The following RIMS2 variants were observed in gnomAD, a reference collection of about 807,000 sequenced individuals.
The protein encoded by RIMS2 is regulating synaptic membrane exocytosis protein 2.
Under a neutral mutation model 174.4 loss-of-function variants are expected in RIMS2, and 59 were observed. The ratio of observed to expected loss-of-function variants is 0.34; its 90% CI spans 0.27 to 0.42. RIMS2 has a LOEUF of 0.42. Ranked by LOEUF, RIMS2 falls within the 10% of genes least tolerant of loss-of-function variation. The pLI, the probability that RIMS2 is intolerant of heterozygous loss-of-function variation, is 1.00. For synonymous variants in RIMS2, 606 were observed against 572.5 expected (o/e 1.06, Z -0.84); for missense variants, 1,620 against 1,666.3 (o/e 0.97, Z 0.48).
At chr8:103,876,606 C>T (rs2099138437) in intron 3 of RIMS2, among the ~76,000 whole-genome samples, 1 of 151,040 alleles carries the variant, frequency 6.6e-6, no homozygotes, top group Admixed American at 6.6e-5. Flanking sequence ...CCTTCCCACC[C>T]TTTCCCCCTG....
intron 3 of RIMS2, among the ~76,000 whole-genome samples, chr8:103,776,251 G>C (rs1016604366): frequency 6.6e-6 from 1 of 152,052 alleles, no homozygotes; most frequent in Non-Finnish European, 1.5e-5. Flanking sequence ...AACATTTCTT[G>C]TTTAAGGACA....
chr8:103,508,119 A>G (rs1250331299), intron 1 of RIMS2, among the ~76,000 whole-genome samples: 2 of 152,118 alleles, frequency 1.3e-5, no homozygotes, highest in Non-Finnish European at 2.9e-5. Flanking sequence ...TTTCACTGCT[A>G]GATATTAAAA....
chr8:103,759,440 C>T (rs1291917852), intron 2 of RIMS2, among the ~76,000 whole-genome samples: 1 of 151,922 alleles, frequency 6.6e-6, no homozygotes, highest in African/African-American at 2.4e-5. Flanking sequence ...CGGTGGGCGC[C>T]TGTAGTCCCA....
chr8:103,885,447 A>C, exon 4 of RIMS2: 1 of 1,612,448 alleles, frequency 6.2e-7, no homozygotes, highest in Non-Finnish European at 8.5e-7. Flanking sequence ...CATGAACCTC[A>C]GTTTTATGAA....
intron 2 of RIMS2, among the ~76,000 whole-genome samples, chr8:103,756,004 G>A (rs2097995489): frequency 6.6e-6 from 1 of 152,138 alleles, no homozygotes; most frequent in South Asian, 2.1e-4. Context: ...CGGCAAAGAG[G>A]TGCTCTGGTG....
At chr8:103,715,307 CT>C (rs2097354494) in intron 2 of RIMS2, among the ~76,000 whole-genome samples, 1 of 152,140 alleles carries the variant, frequency 6.6e-6, no homozygotes, top group Admixed American at 6.5e-5. Flanking sequence ...TTTCCTGATG[CT>C]TTACGTCCCC....
intron 1 of RIMS2, among the ~76,000 whole-genome samples, chr8:103,589,724 A>G (rs1300850228): frequency 6.6e-6 from 1 of 151,542 alleles, no homozygotes; most frequent in Non-Finnish European, 1.5e-5. Flanking sequence ...TGTGATATAT[A>G]TGCAAAATGG....
intron 13 of RIMS2, among the ~76,000 whole-genome samples, chr8:103,942,170 G>A (rs886823332): frequency 6.6e-6 from 1 of 152,062 alleles, no homozygotes; most frequent in Non-Finnish European, 1.5e-5. Flanking sequence ...GTAGGCCCCA[G>A]TACGTGTTAT....
At chr8:104,064,574 C>T (rs2097069081) in intron 19 of RIMS2, among the ~76,000 whole-genome samples, 1 of 151,718 alleles carries the variant, frequency 6.6e-6, no homozygotes, top group Non-Finnish European at 1.5e-5. Flanking sequence ...TGTATATATA[C>T]ATATCAAAAA....
At chr8:103,803,814 G>A (rs966251589) in intron 3 of RIMS2, among the ~76,000 whole-genome samples, 2 of 152,156 alleles carry the variant, frequency 1.3e-5, no homozygotes, top group Non-Finnish European at 2.9e-5. Context: ...AAGCTGAGTA[G>A]TACATCTCTG....
At chr8:104,046,046 T>C (rs1198341909) in intron 19 of RIMS2, among the ~76,000 whole-genome samples, 2 of 152,078 alleles carry the variant, frequency 1.3e-5, no homozygotes, top group Non-Finnish European at 2.9e-5. Flanking sequence ...CCCATTGATA[T>C]GTATTATCTT....
At chr8:103,956,890 TAAAC>T (rs1356351137) in intron 14 of RIMS2, among the ~76,000 whole-genome samples, 1 of 151,982 alleles carries the variant, frequency 6.6e-6, no homozygotes, top group African/African-American at 2.4e-5. Context: ...ACAAAGAACT[TAAAC>T]AGATTTACAA....
chr8:104,185,110 A>G (rs1001174999), intron 19 of RIMS2, among the ~76,000 whole-genome samples: 3 of 151,568 alleles, frequency 2.0e-5, no homozygotes, highest in African/African-American at 7.2e-5. Context: ...TTATGAATAA[A>G]TGAAACTGTT....
At chr8:103,986,399 G>A (rs1333136874) in intron 16 of RIMS2, among the ~76,000 whole-genome samples, 1 of 151,942 alleles carries the variant, frequency 6.6e-6, no homozygotes, top group Non-Finnish European at 1.5e-5. Context: ...AGATAAGAAT[G>A]TATGTTAACC....
At chr8:103,838,737 C>T (rs2098920012) in intron 3 of RIMS2, among the ~76,000 whole-genome samples, 1 of 152,092 alleles carries the variant, frequency 6.6e-6, no homozygotes, top group Non-Finnish European at 1.5e-5. Context: ...TTCTACGCTT[C>T]TATTATTGCG....
intron 19 of RIMS2, chr8:104,094,676 A>G: frequency 1.4e-6 from 1 of 700,124 alleles, no homozygotes. Context: ...GGAAAGAAAA[A>G]GAACAGTGGA....
intron 1 of RIMS2, among the ~76,000 whole-genome samples, chr8:103,620,446 AT>A (rs1177755090): frequency 6.6e-6 from 1 of 152,280 alleles, no homozygotes; most frequent in African/African-American, 2.4e-5. Flanking sequence ...TTAAAAAAAA[AT>A]GCCTAAATTT....
At chr8:103,734,730 C>T (rs893460852) in intron 2 of RIMS2, among the ~76,000 whole-genome samples, 5 of 152,010 alleles carry the variant, frequency 3.3e-5, no homozygotes, top group Admixed American at 6.6e-5. Context: ...ATGTCTGAAG[C>T]GTTCCTCAGA....
At chr8:103,662,126 C>A (rs975916912) in intron 1 of RIMS2, among the ~76,000 whole-genome samples, 4 of 152,156 alleles carry the variant, frequency 2.6e-5, no homozygotes, top group Non-Finnish European at 4.4e-5. Flanking sequence ...TCTTATAATA[C>A]TTTAAGAAAG....
Sources: gnomAD v4.1 joint callset for allele counts (sites outside exome capture counted in the v4.1 genomes callset) on GRCh38, gnomAD v4.1.1 for gene constraint, MANE v1.5 for transcripts, NCBI Gene and HGNC (gene_info 2026-07-23, HGNC 2026-07-21) for gene names.